GRID2: variants seen among roughly 807,000 people sequenced by gnomAD.
The protein encoded by GRID2 is glutamate receptor ionotropic, delta-2.
Under a neutral mutation model 114.8 loss-of-function variants are expected in GRID2, and 33 were observed. That is an observed-to-expected ratio of 0.29 (90% CI 0.22 to 0.38). The LOEUF is 0.38. Among genes scored for constraint, GRID2 ranks in the 10% least tolerant of loss-of-function variants. The pLI is 1.00. For synonymous variants in GRID2, 505 were observed against 449.9 expected, an observed-to-expected ratio of 1.12 and a Z score of -1.55; for missense variants, 1,184 against 1,257.7, an observed-to-expected ratio of 0.94 and a Z score of 0.89.
chr4:93,431,791 A>C (rs1769437479), intron 10 of GRID2, among the ~76,000 whole-genome samples: 1 of 152,188 alleles, frequency 6.6e-6, no homozygotes, highest in African/African-American at 2.4e-5. Context: ...AGGAAGAAAA[A>C]GAAAGAAGGA....
At chr4:92,711,107 T>C (rs1366081347) in intron 2 of GRID2, among the ~76,000 whole-genome samples, 1 of 152,182 alleles carries the variant, frequency 6.6e-6, no homozygotes, top group Non-Finnish European at 1.5e-5. Context: ...ATGTAACTTA[T>C]ACTTTGTACT....
chr4:92,862,361 A>G (rs879904348), intron 2 of GRID2, among the ~76,000 whole-genome samples: 5 of 152,066 alleles, frequency 3.3e-5, no homozygotes, highest in Non-Finnish European at 5.9e-5. Flanking sequence ...TTCTAATTTC[A>G]TGATATAAAT....
At chr4:93,467,128 G>T (rs1724357860) in intron 11 of GRID2, among the ~76,000 whole-genome samples, 1 of 152,128 alleles carries the variant, frequency 6.6e-6, no homozygotes, top group Non-Finnish European at 1.5e-5. Flanking sequence ...TCTTTGATCT[G>T]AGAAAATCAA....
At chr4:92,916,990 G>A (rs965952511) in intron 2 of GRID2, among the ~76,000 whole-genome samples, 7 of 152,228 alleles carry the variant, frequency 4.6e-5, no homozygotes, top group Admixed American at 2.6e-4. Flanking sequence ...CAGTGTAAAA[G>A]TGTTCCTATT....
chr4:93,695,248 A>G (rs971582559), intron 14 of GRID2, among the ~76,000 whole-genome samples: 22 of 151,906 alleles, frequency 1.4e-4, no homozygotes, highest in Admixed American at 2.6e-4. Flanking sequence ...CGTATTTTTC[A>G]TAGATAAGAC....
At position 93,788,692 on chromosome 4, in the gene GRID2, G is replaced by A. The variant is rs186234147; in HGVS notation, c.222-18023G>A. ...TTATATGATCTAAAGGACGTTCAAGGGTAATTAATCTAAGGGTCTCCTATG... is the reference window on the plus strand; with the variant it reads ...TTATATGATCTAAAGGACGTTCAAGAGTAATTAATCTAAGGGTCTCCTATG... On this transcript the variant is annotated intron_variant, in intron 1 of 1. Coordinates refer to the GRID2 transcript ENST00000637838. Among the ~76,000 whole-genome samples the A allele has an allele frequency of 2.8e-4, 43 of 152,168 alleles. No individual in the cohort carries two copies. In the East Asian group the frequency reaches 5.0e-3, roughly 18 times the overall value.
chr4:92,578,716 T>TC (rs1728023939), intron 1 of GRID2, among the ~76,000 whole-genome samples: 1 of 111,080 alleles, frequency 9.0e-6, no homozygotes, highest in Non-Finnish European at 1.9e-5. Context: ...AAAAATATCA[T>TC]TATCTATCTA....
downstream of GRID2, among the ~76,000 whole-genome samples, chr4:93,776,961 G>A (rs1223078851): frequency 2.0e-5 from 3 of 152,098 alleles, no homozygotes; most frequent in Non-Finnish European, 4.4e-5. Flanking sequence ...GTTTCAACTT[G>A]CCTCAACAGG....
At chr4:93,465,071 C>T (rs918220840) in intron 11 of GRID2, among the ~76,000 whole-genome samples, 1 of 152,136 alleles carries the variant, frequency 6.6e-6, no homozygotes, top group Admixed American at 6.5e-5. Flanking sequence ...TTTCATGGAG[C>T]TTAGAATACA....
chr4:93,379,618 A>C (rs1763673941), intron 8 of GRID2, among the ~76,000 whole-genome samples: 1 of 152,134 alleles, frequency 6.6e-6, no homozygotes, highest in Non-Finnish European at 1.5e-5. Context: ...GCAAAATAAA[A>C]TACTTTGAAT....
intron 8 of GRID2, among the ~76,000 whole-genome samples, chr4:93,260,178 A>G (rs1194114022): frequency 6.6e-6 from 1 of 151,768 alleles, no homozygotes. Context: ...TCTTACTAGC[A>G]TTCTGATAAA....
At position 92,409,573 on chromosome 4, in the gene GRID2, A is replaced by G. The variant is rs1731198554; in HGVS notation, c.88+104829A>G. Among the ~76,000 whole-genome samples the G allele has an allele frequency of 2.0e-5, 3 of 152,178 alleles. No homozygotes were observed. The South Asian group carries it at 6.2e-4, about 32-fold the overall frequency. On this transcript the variant is annotated intron_variant, in intron 1 of 15. Coordinates refer to ENST00000282020, the MANE Select transcript of GRID2 (RefSeq NM_001510.4). ...ATATTTCTCAAAATTAGGACTATAG[A>G]ACATTCAGGAACTTGGATTTGTAAA... is the stretch of plus-strand genomic sequence containing the variant.
At chr4:92,922,464 G>T (rs886861227) in intron 2 of GRID2, among the ~76,000 whole-genome samples, 1 of 152,066 alleles carries the variant, frequency 6.6e-6, no homozygotes, top group Non-Finnish European at 1.5e-5. Context: ...GACTGGTGCT[G>T]TTCCTATTCA....
intron 2 of GRID2, among the ~76,000 whole-genome samples, chr4:92,749,770 G>C (rs1737350061): frequency 6.6e-6 from 1 of 152,120 alleles, no homozygotes; most frequent in Non-Finnish European, 1.5e-5. Context: ...CAAACATACA[G>C]GTAGATGGAA....
intron 13 of GRID2, among the ~76,000 whole-genome samples, chr4:93,551,558 A>G (rs1733754404): frequency 6.6e-6 from 1 of 152,198 alleles, no homozygotes; most frequent in Non-Finnish European, 1.5e-5. Flanking sequence ...AGCAGGGGCC[A>G]TATGATGTAG....
intron 8 of GRID2, among the ~76,000 whole-genome samples, chr4:93,355,115 A>T (rs751683531): frequency 6.6e-6 from 1 of 151,674 alleles, no homozygotes; most frequent in East Asian, 1.9e-4. Context: ...CTCTGGGGAG[A>T]GTGTTTTCTC....
intron 13 of GRID2, among the ~76,000 whole-genome samples, chr4:93,556,098 C>A (rs575045452): frequency 1.4e-4 from 22 of 152,288 alleles, no homozygotes; most frequent in Admixed American, 3.3e-4. Context: ...AAATCCCCAT[C>A]TGAAGGTCAC....
At chr4:93,313,588 T>G (rs1756254262) in intron 8 of GRID2, among the ~76,000 whole-genome samples, 1 of 152,162 alleles carries the variant, frequency 6.6e-6, no homozygotes, top group African/African-American at 2.4e-5. Context: ...TTCCAACACA[T>G]TACAATTATA....
intron 14 of GRID2, among the ~76,000 whole-genome samples, chr4:93,767,577 G>A (rs1029423787): frequency 6.6e-6 from 1 of 152,204 alleles, no homozygotes; most frequent in Non-Finnish European, 1.5e-5. Context: ...AGCTGAGGCT[G>A]TGGGAACGTC....
Sources: allele counts gnomAD v4.1 joint callset (sites outside exome capture counted in the v4.1 genomes callset), GRCh38; gene constraint gnomAD v4.1.1; transcripts MANE v1.5; gene names NCBI Gene and HGNC (gene_info 2026-07-23, HGNC 2026-07-21).